The following PLAAT1 variants were observed in gnomAD, a reference collection of about 807,000 sequenced individuals.
PLAAT1 encodes H-REV107 protein-related protein.
A neutral mutation model predicts 16.4 loss-of-function variants in PLAAT1; 13 were observed. That is an observed-to-expected ratio of 0.79 (90% CI 0.52 to 1.26). The LOEUF (loss-of-function observed/expected upper bound fraction) is 1.26. Ranked by LOEUF, PLAAT1 falls within the 50% of genes most tolerant of loss-of-function variation. The pLI is 0.00. For missense variants in PLAAT1, 218 were observed against 207.8 expected (o/e 1.05, Z -0.30); for synonymous variants, 73 against 78.4 (o/e 0.93, Z 0.36).
Position 193,270,611 on chromosome 3 carries a change from G to A in PLAAT1, c.413G>A (p.Arg138Gln), listed in dbSNP as rs143919256. ...YGEGVSEQAN[R>Q]AISTVEFVTA... ...CTTCTTGTTTCCTTATAGGCCAACC[G>A]AGCGATAAGTACCGTTGAGTTTGTG... The change falls in exon 4 of 4, where the codon CGA (arginine) becomes CAA (glutamine). Residue 138 changes from arginine to glutamine, a missense_variant. Coordinates refer to ENST00000264735, the MANE Select transcript of PLAAT1 (RefSeq NM_020386.5). 21 of 1,611,616 alleles carry A rather than the reference G, an allele frequency of 1.3e-5. No individual in the cohort carries two copies. Among genetic ancestry groups the A allele is most frequent in the Middle Eastern group, 1.6e-4 (1 of 6,070 alleles).
At chr3:193,266,887 C>A (rs957564592) in intron 3 of PLAAT1, among the ~76,000 whole-genome samples, 3 of 151,906 alleles carry the variant, frequency 2.0e-5, no homozygotes, top group Non-Finnish European at 4.4e-5. Context: ...TTTTTTGAAT[C>A]CCTTTAAGCT....
At chr3:193,266,983 G>A (rs1397227736) in intron 3 of PLAAT1, among the ~76,000 whole-genome samples, 1 of 148,114 alleles carries the variant, frequency 6.8e-6, no homozygotes, top group Non-Finnish European at 1.5e-5. Context: ...AAAAAGGTGA[G>A]AAGGGTAGGA....
chr3:193,244,992 A>G lies in PLAAT1; in HGVS notation c.-1+3459A>G, dbSNP rs575626919. On this transcript the variant is annotated intron_variant, in intron 1 of 3. Transcript: ENST00000264735. ...TTCAACATGCATTTTGGAGGAGACA[A>G]ACATTCAAACCATAGCACATATACA... Among the ~76,000 whole-genome samples the G allele has an allele frequency of 9.3e-4, 141 of 152,352 alleles. 3 individuals are homozygous for G. The highest frequency in any genetic ancestry group is 3.2e-3 in the African/African-American group (134 of 41,580).
chr3:193,268,586 C>G (rs1266340187), intron 3 of PLAAT1, among the ~76,000 whole-genome samples: 2 of 152,176 alleles, frequency 1.3e-5, no homozygotes, highest in Non-Finnish European at 2.9e-5. Context: ...TAATCTTGCA[C>G]ATCACATCCC....
In PLAAT1 at chr3:193,262,954, G is replaced by T; in HGVS notation, c.140-16G>T. The T allele has an allele frequency of 6.2e-7, 1 of 1,613,626 alleles. No individual in the cohort carries two copies. Among genetic ancestry groups the T allele is most frequent in the Non-Finnish European group, 8.5e-7 (1 of 1,179,756 alleles). ...CTGGGTCACTATACCTTACTAACCA[G>T]AATTCTACTTTATAGATGGCATTCC... On this transcript the variant is annotated splice_polypyrimidine_tract_variant and intron_variant, in intron 2 of 3. Transcript: ENST00000264735.
At chr3:193,248,094 A>T (rs1178042617) in intron 1 of PLAAT1, among the ~76,000 whole-genome samples, 1 of 152,122 alleles carries the variant, frequency 6.6e-6, no homozygotes. Context: ...GTGCTTTGAT[A>T]TTGGGTGCAT....
chr3:193,281,120 G>A, downstream of PLAAT1: 1 of 915,182 alleles, frequency 1.1e-6, no homozygotes, highest in Non-Finnish European at 1.3e-6. Context: ...CATCTCTCAG[G>A]ATAAAGCAAT....
At chr3:193,279,423 C>G (rs1450391333), downstream of PLAAT1, 5 of 1,613,618 alleles carry the variant, frequency 3.1e-6, no homozygotes, top group Non-Finnish European at 2.5e-6. Flanking sequence ...TTGTGAGGCC[C>G]AAGGCAGCTA....
At chr3:193,279,492 G>T, downstream of PLAAT1, 1 of 1,541,144 alleles carries the variant, frequency 6.5e-7, no homozygotes, top group African/African-American at 1.4e-5. Context: ...GATGTTAAAA[G>T]AATGTTTCAT....
chr3:193,255,844 G>A, intron 2 of PLAAT1, 55 bp downstream of exon 2: 3 of 1,422,872 alleles, frequency 2.1e-6, no homozygotes, highest in South Asian at 1.6e-5. Context: ...TCTTGTTACA[G>A]GAAGTAATCA....
rs774021417 is a variant in PLAAT1 at position 193,263,132 on chromosome 3, G to A, written c.302G>A (p.Arg101Gln). 18 of 1,614,018 alleles carry A rather than the reference G, an allele frequency of 1.1e-5. No individual in the cohort carries two copies. The highest frequency in any genetic ancestry group is 6.7e-5 in the Admixed American group (4 of 60,000). ...CTCCCTGTGGAAGAAATCATAAAGC[G>A]GTCAGAGTTTGTAATTGGACAGGAG... ...PPLPVEEIIK[R>Q]SEFVIGQEVA... The change falls in exon 3 of 4, where the codon CGG becomes CAG. Residue 101 changes from arginine (R) to glutamine (Q), a missense_variant. By Grantham distance (43) the Arg-to-Gln change is conservative. Coordinates refer to ENST00000264735, the MANE Select transcript of PLAAT1 (RefSeq NM_020386.5).
chr3:193,250,848 C>G (rs76205690), intron 1 of PLAAT1, among the ~76,000 whole-genome samples: 2 of 152,046 alleles, frequency 1.3e-5, no homozygotes, highest in Non-Finnish European at 2.9e-5. Flanking sequence ...CCCCCACCCC[C>G]GCACCTTTTT....
Position 193,270,713 on chromosome 3 carries a change from C to A in PLAAT1, c.*8C>A. ...AGAGCAAAATACTATTAACAATTTA[C>A]CAAAGAGATATTGATATTGAAGGAA... On this transcript the variant is annotated 3_prime_UTR_variant, in exon 4 of 4. Coordinates refer to ENST00000264735, the MANE Select transcript of PLAAT1 (RefSeq NM_020386.5). 1 of 1,609,266 alleles carries A rather than the reference C, an allele frequency of 6.2e-7. No homozygotes were observed.
chr3:193,249,089 G>C (rs1323471949), intron 1 of PLAAT1, among the ~76,000 whole-genome samples: 1 of 152,050 alleles, frequency 6.6e-6, no homozygotes, highest in East Asian at 1.9e-4. Context: ...GCTGAGTGTA[G>C]TATTCTTGGT....
At chr3:193,275,278 G>A, downstream of PLAAT1, 1 of 1,613,658 alleles carries the variant, frequency 6.2e-7, no homozygotes, top group Non-Finnish European at 8.5e-7. Context: ...AACAGCCAGA[G>A]TTCATGATTT....
rs1028846733 is a variant in PLAAT1, at chr3:193,241,237, C to T, written c.-297C>T. 1.6e-6 allele frequency: 2 copies of T among 1,225,358 alleles called. No homozygotes were observed. Among genetic ancestry groups the T allele is most frequent in the Non-Finnish European group, 2.0e-6 (2 of 983,900 alleles). The allele number at this position is 1,225,358 out of a possible 1,614,324, so 75.9% of individuals were successfully genotyped here. A position where few individuals can be genotyped will look rare whatever the true frequency, so the allele number is the denominator to read the frequency against. On this transcript the variant is annotated 5_prime_UTR_variant, in exon 1 of 4. Transcript: ENST00000264735. ...GCTCCCCATGGTCAGAGCCTCGTGCCGGCTCGGCAGCGCCCGGACGCCGAG... is the reference window on the plus strand; with the variant it reads ...GCTCCCCATGGTCAGAGCCTCGTGCTGGCTCGGCAGCGCCCGGACGCCGAG...
In PLAAT1 at chr3:193,263,123, T is replaced by A; in HGVS notation, c.293T>A (p.Ile98Asn). 6.2e-7 allele frequency: 1 copy of A among 1,614,098 alleles called. No individual in the cohort carries two copies. The highest frequency in any genetic ancestry group is 8.5e-7 in the Non-Finnish European group (1 of 1,180,014). The change falls in exon 3 of 4, where the codon ATC becomes AAC. Residue 98 changes from isoleucine to asparagine, a missense_variant. Ile to Asn is a moderately radical substitution (Grantham distance 149, BLOSUM62 -3). Coordinates refer to ENST00000264735, the MANE Select transcript of PLAAT1 (RefSeq NM_020386.5). ...ETYPPLPVEE[I>N]IKRSEFVIGQ... is the part of the protein sequence containing the mutation. ...TACCCCCCTCTCCCTGTGGAAGAAA[T>A]CATAAAGCGGTCAGAGTTTGTAATT...
chr3:193,268,770 A>G (rs530093295), intron 3 of PLAAT1, among the ~76,000 whole-genome samples: 4 of 152,136 alleles, frequency 2.6e-5, no homozygotes, highest in African/African-American at 4.8e-5. Context: ...TTGGTTTGGG[A>G]TCAGGTTGCC....
chr3:193,268,142 T>C (rs181341222), intron 3 of PLAAT1, among the ~76,000 whole-genome samples: 2 of 152,348 alleles, frequency 1.3e-5, no homozygotes, highest in African/African-American at 2.4e-5. Context: ...TTATCTTTTA[T>C]GTATTTTTCA....
Sources: gnomAD v4.1 joint callset for allele counts (sites outside exome capture counted in the v4.1 genomes callset) on GRCh38, gnomAD v4.1.1 for gene constraint, MANE v1.5 for transcripts, NCBI Gene and HGNC (gene_info 2026-07-23, HGNC 2026-07-21) for gene names.